Variants in DPP3 observed in about 807,000 individuals in gnomAD.
DPP3 encodes dipeptidyl peptidase 3, also known as DPP III.
A neutral mutation model predicts 89.8 loss-of-function variants in DPP3; 64 were observed. The ratio of observed to expected loss-of-function variants is 0.71; its 90% CI spans 0.58 to 0.88. The LOEUF (loss-of-function observed/expected upper bound fraction) is 0.88. DPP3 is among the 40% of genes least tolerant of loss of function. The probability of loss-of-function intolerance (pLI) is 0.00; values close to 1 mark genes in which losing one functional copy is unlikely to be tolerated. For missense variants in DPP3, 835 were observed against 972.5 expected (o/e 0.86, Z 1.88); for synonymous variants, 377 against 404.3 (o/e 0.93, Z 0.81).
intron 6 of DPP3, among the ~76,000 whole-genome samples, chr11:66,488,384 A>G (rs1590734726): frequency 6.6e-6 from 1 of 152,316 alleles, no homozygotes; most frequent in East Asian, 1.9e-4. Flanking sequence ...CAACATGGTG[A>G]AACCCCATCT....
At chr11:66,497,513 C>T (rs1378392522) in intron 16 of DPP3, 36 bp downstream of exon 16, 2 of 1,594,894 alleles carry the variant, frequency 1.3e-6, no homozygotes, top group Admixed American at 1.7e-5. Context: ...GGGTCCCCAC[C>T]AACCTCTCCA....
chr11:66,500,159 G>T (rs1169811492), intron 16 of DPP3, among the ~76,000 whole-genome samples: 5 of 152,124 alleles, frequency 3.3e-5, no homozygotes, highest in South Asian at 4.1e-4. Flanking sequence ...TTCGAGACCA[G>T]CCTGGCCAAC....
chr11:66,484,010 G>A (rs1213500728), intron 2 of DPP3, among the ~76,000 whole-genome samples: 3 of 150,720 alleles, frequency 2.0e-5, no homozygotes, highest in East Asian at 1.9e-4. Context: ...ACGGAGTCTC[G>A]CTCTGTCACC....
At chr11:66,487,041 C>A (rs1855249648) in intron 4 of DPP3, among the ~76,000 whole-genome samples, 1 of 152,110 alleles carries the variant, frequency 6.6e-6, no homozygotes, top group South Asian at 2.1e-4. Flanking sequence ...AGGACCTTGG[C>A]AAGCCTTAGG....
intron 6 of DPP3, 72 bp from the exon 7 acceptor site, chr11:66,491,181 T>C: frequency 6.3e-7 from 1 of 1,597,142 alleles, no homozygotes; most frequent in Non-Finnish European, 8.5e-7. Flanking sequence ...TGAGGTGTCT[T>C]ACTCAGGCCT....
At chr11:66,508,867 C>T (rs920549796) in intron 17 of DPP3, among the ~76,000 whole-genome samples, 2 of 152,168 alleles carry the variant, frequency 1.3e-5, no homozygotes, top group Non-Finnish European at 2.9e-5. Flanking sequence ...AGCAGCAATG[C>T]ATTTAATACT....
chr11:66,504,493 A>C, intron 16 of DPP3, 119 bp from the exon 17 acceptor site: 1 of 1,136,908 alleles, frequency 8.8e-7, no homozygotes, highest in African/African-American at 1.6e-5. Flanking sequence ...TGGAGGGGAC[A>C]CATTCAAACC....
intron 10 of DPP3, 69 bp downstream of exon 10, chr11:66,492,979 C>G: frequency 6.2e-7 from 1 of 1,602,372 alleles, no homozygotes; most frequent in Non-Finnish European, 8.5e-7. Context: ...CCTGTCCACA[C>G]ACACACCCTC....
chr11:66,492,683 C>T (rs766701567), intron 9 of DPP3, 33 bp from the exon 10 acceptor site: 10 of 1,542,338 alleles, frequency 6.5e-6, no homozygotes, highest in Non-Finnish European at 8.7e-6. Flanking sequence ...TCCTGGAACC[C>T]TGCCAAGCCA....
chr11:66,482,566 G>T, intron 2 of DPP3, 96 bp downstream of exon 2: 1 of 1,519,652 alleles, frequency 6.6e-7, no homozygotes, highest in Non-Finnish European at 8.8e-7. Flanking sequence ...GTAGGTGGAG[G>T]ATTAGACCAA....
At chr11:66,486,986 T>A (rs1590733452) in intron 4 of DPP3, among the ~76,000 whole-genome samples, 1 of 150,990 alleles carries the variant, frequency 6.6e-6, no homozygotes, top group South Asian at 2.1e-4. Flanking sequence ...AGGAGGGGGG[T>A]CCCAGGTTTC....
chr11:66,504,682 C>T lies in DPP3; in HGVS notation c.1949C>T (p.Ala650Val), dbSNP rs746730453. Residue 650 changes from alanine to valine, a missense_variant, in exon 17 of 18, where the codon GCG becomes GTG. By Grantham distance (64) the Ala-to-Val change is moderately conservative. Coordinates refer to ENST00000531863, the MANE Select transcript of DPP3 (RefSeq NM_130443.4). Reference protein sequence around the residue: ...LYEGYATVTDAPPECFLTLRD... With the variant: ...LYEGYATVTDVPPECFLTLRD... ...GAGGGGTATGCAACAGTCACTGATG[C>T]GCCCCCCGAGTGCTTCCTCACCCTC... 38 of 1,612,950 alleles carry T rather than the reference C, an allele frequency of 2.4e-5. No individual in the cohort carries two copies. Among genetic ancestry groups the T allele is most frequent in the Admixed American group, 1.2e-4 (7 of 59,916 alleles).
intron 6 of DPP3, 76 bp from the exon 7 acceptor site, chr11:66,491,177 G>A (rs1855373415): frequency 2.5e-6 from 4 of 1,596,454 alleles, no homozygotes; most frequent in African/African-American, 2.7e-5. Context: ...CGGCTGAGGT[G>A]TCTTACTCAG....
chr11:66,500,186 C>T (rs1855645159), intron 16 of DPP3, among the ~76,000 whole-genome samples: 1 of 151,970 alleles, frequency 6.6e-6, no homozygotes, highest in Non-Finnish European at 1.5e-5. Context: ...AAACCTGTCT[C>T]TACCAAAAAC....
chr11:66,502,699 C>T (rs1425543504), intron 16 of DPP3, among the ~76,000 whole-genome samples: 3 of 152,030 alleles, frequency 2.0e-5, no homozygotes, highest in Admixed American at 1.3e-4. Flanking sequence ...CTCCTGACCT[C>T]GTGATCCACC....
At chr11:66,497,231 A>G in intron 15 of DPP3, 67 bp from the exon 16 acceptor site, 1 of 1,548,472 alleles carries the variant, frequency 6.5e-7, no homozygotes, top group Non-Finnish European at 8.7e-7. Flanking sequence ...GGACCAAGCC[A>G]AGGACCAAGC....
intron 17 of DPP3, among the ~76,000 whole-genome samples, chr11:66,505,809 T>TAAAAAAAA (rs775818602): frequency 1.1e-5 from 1 of 88,110 alleles, no homozygotes. Context: ...CTCAACTCTT[T>TAAAAAAAA]AAAAAAAAAA....
Position 66,493,522 on chromosome 11 carries a change from T to C in DPP3, c.1297-19T>C. On this transcript the variant is annotated intron_variant, in intron 11 of 17. Transcript: ENST00000531863. ...AGGGCTGGCCAGTGGACAGCGCGGG[T>C]CTCTGCTTGTCTTGGCAGGACCTGT... 6.2e-7 allele frequency: 1 copy of C among 1,611,508 alleles called. No individual in the cohort carries two copies. The highest frequency in any genetic ancestry group is 8.5e-7 in the Non-Finnish European group (1 of 1,179,392).
intron 1 of DPP3, among the ~76,000 whole-genome samples, chr11:66,481,851 T>A (rs1442543228): frequency 8.5e-5 from 13 of 152,146 alleles, no homozygotes; most frequent in Admixed American, 7.9e-4. Context: ...TTTCACCATG[T>A]TGGTCAGGCT....
Sources: gnomAD v4.1 joint callset for allele counts (sites outside exome capture counted in the v4.1 genomes callset) on GRCh38, gnomAD v4.1.1 for gene constraint, MANE v1.5 for transcripts, NCBI Gene and HGNC (gene_info 2026-07-23, HGNC 2026-07-21) for gene names.